SVEP1: variants seen among roughly 807,000 people sequenced by gnomAD.
The protein encoded by SVEP1 is sushi, von Willebrand factor type A, EGF and pentraxin domain-containing protein 1.
SVEP1 carries 164 observed loss-of-function variants against 367.3 expected under a neutral mutation model. The ratio of observed to expected loss-of-function variants is 0.45; its 90% confidence interval spans 0.39 to 0.51. The LOEUF is 0.51. SVEP1 is among the 20% of genes least tolerant of loss of function. The pLI, the probability that SVEP1 is intolerant of heterozygous loss-of-function variation, is 0.00. For missense variants in SVEP1, 4,117 were observed against 4,425.3 expected, an observed-to-expected ratio of 0.93 and a Z score of 1.98; for synonymous variants, 1,666 against 1,611.6, an observed-to-expected ratio of 1.03 and a Z score of -0.81.
At chr9:110,476,473 C>G (rs1829098067) in intron 13 of SVEP1, among the ~76,000 whole-genome samples, 158 bp from the exon 14 acceptor site, 1 of 152,216 alleles carries the variant, frequency 6.6e-6, no homozygotes, top group South Asian at 2.1e-4. Flanking sequence ...CCCTCCTCCC[C>G]TACAGCCTCT....
In SVEP1 at chr9:110,443,574, G is replaced by A; in HGVS notation, c.4610C>T (p.Ala1537Val). The stretch of plus-strand genomic sequence containing the variant: ...TATGGGCAAACCAACAGAGAGGCCA[G>A]CACCACCGTCAGATAATTTCCCATC... The part of the protein sequence containing the change: ...YIDGKLSDGG[A>V]GLSVGLPIPG... Residue 1537 changes from alanine to valine, a missense_variant, in exon 27 of 48, where the codon GCT (alanine) becomes GTT (valine). Around this residue, in one of 4 missense-constraint regions of SVEP1, gnomAD observed 2,174 missense variants for 2,494.3 expected, o/e 0.87. Coordinates refer to ENST00000374469, the MANE Select transcript of SVEP1 (RefSeq NM_153366.4). 6.2e-7 allele frequency: 1 copy of A among 1,610,758 alleles called. No individual in the cohort carries two copies. The highest frequency in any genetic ancestry group is 8.5e-7 in the Non-Finnish European group (1 of 1,178,432).
chr9:110,486,845 A>AT (rs1829286429), intron 9 of SVEP1, among the ~76,000 whole-genome samples: 1 of 151,860 alleles, frequency 6.6e-6, no homozygotes, highest in Non-Finnish European at 1.5e-5. Flanking sequence ...GGGTTTCAAC[A>AT]TGTTGGCCAG....
At chr9:110,430,223 C>T (rs1330044610) in intron 33 of SVEP1, 51 bp downstream of exon 33, 14 of 1,550,888 alleles carry the variant, frequency 9.0e-6, no homozygotes, top group Non-Finnish European at 9.6e-6. Flanking sequence ...CTACGCCTTA[C>T]CTTTCTAGGA....
At chr9:110,482,137 G>A (rs34545040) in intron 11 of SVEP1, among the ~76,000 whole-genome samples, 9,496 of 152,288 alleles carry the variant, frequency 0.062, 413 homozygotes, top group Non-Finnish European at 0.087. Flanking sequence ...TGTAACCTTA[G>A]AGAAAATGTT....
intron 47 of SVEP1, 103 bp from the exon 48 acceptor site, chr9:110,366,663 A>G: frequency 3.4e-6 from 4 of 1,176,050 alleles, no homozygotes; most frequent in Non-Finnish European, 4.7e-6. Context: ...TGAAAGTCCC[A>G]GATACCTGGG....
At chr9:110,490,265 T>C (rs915614035) in intron 8 of SVEP1, among the ~76,000 whole-genome samples, 1 of 152,214 alleles carries the variant, frequency 6.6e-6, no homozygotes, top group Non-Finnish European at 1.5e-5. Context: ...TCATATAGTT[T>C]ATAAAGATCA....
chr9:110,572,368 T>C lies in SVEP1; in HGVS notation c.531+6645A>G, dbSNP rs549243134. On this transcript the variant is annotated intron_variant, in intron 1 of 47. Transcript: ENST00000374469. ...AGTCTTTGACCAAGCATTTTCATGA[T>C]GTATTTCAACCAAACAGAATATAAC... Among the ~76,000 whole-genome samples the C allele has an allele frequency of 2.0e-5, 3 of 152,340 alleles. 1 individual carries two copies. In the South Asian group the frequency reaches 6.2e-4, roughly 32 times the overall value.
intron 44 of SVEP1, among the ~76,000 whole-genome samples, chr9:110,377,863 C>T (rs1469600382): frequency 1.3e-5 from 2 of 152,180 alleles, no homozygotes; most frequent in African/African-American, 2.4e-5. Flanking sequence ...TGAGCAACAT[C>T]TCCCTATCCT....
intron 1 of SVEP1, among the ~76,000 whole-genome samples, chr9:110,578,567 T>C (rs1331507531): frequency 2.0e-5 from 3 of 152,148 alleles, no homozygotes; most frequent in Admixed American, 6.5e-5. Flanking sequence ...TAATAAAGGA[T>C]TGGAGCAAAA....
intron 1 of SVEP1, among the ~76,000 whole-genome samples, chr9:110,564,323 T>A (rs190256649): frequency 6.6e-6 from 1 of 152,304 alleles, no homozygotes; most frequent in African/African-American, 2.4e-5. Context: ...AGAAATAATG[T>A]CTTCTTACCA....
intron 1 of SVEP1, among the ~76,000 whole-genome samples, chr9:110,561,279 T>A (rs2118870120): frequency 6.6e-6 from 1 of 152,270 alleles, no homozygotes; most frequent in East Asian, 1.9e-4. Flanking sequence ...GTTTCCTCTT[T>A]TTAAACTTTC....
chr9:110,409,382 A>T (rs1239642559), intron 37 of SVEP1, among the ~76,000 whole-genome samples: 1 of 152,202 alleles, frequency 6.6e-6, no homozygotes, highest in Admixed American at 6.5e-5. Flanking sequence ...AGATTGTGCC[A>T]CTGCACTCCA....
chr9:110,571,039 C>G (rs1002465963), intron 1 of SVEP1, among the ~76,000 whole-genome samples: 1 of 146,654 alleles, frequency 6.8e-6, no homozygotes, highest in Non-Finnish European at 1.5e-5. Context: ...TTCAATGACG[C>G]GATCTCAACT....
chr9:110,438,592 T>C (rs1170201025), intron 27 of SVEP1, among the ~76,000 whole-genome samples: 2 of 152,244 alleles, frequency 1.3e-5, no homozygotes, highest in African/African-American at 4.8e-5. Flanking sequence ...ATGTTGGCCT[T>C]GTTTCTAAGT....
At chr9:110,550,152 A>C in intron 1 of SVEP1, 48 bp from the exon 2 acceptor site, 2 of 1,602,620 alleles carry the variant, frequency 1.2e-6, no homozygotes, top group Non-Finnish European at 1.7e-6. Flanking sequence ...TGTCTTGCCT[A>C]CTGTGTGCTT....
chr9:110,413,636 GCA>G (rs1828077432), intron 36 of SVEP1, among the ~76,000 whole-genome samples: 1 of 151,924 alleles, frequency 6.6e-6, no homozygotes, highest in South Asian at 2.1e-4. Context: ...CAGTCGTTAT[GCA>G]CAGATGTTGG....
At chr9:110,553,424 T>C (rs1830316762) in intron 1 of SVEP1, among the ~76,000 whole-genome samples, 1 of 152,154 alleles carries the variant, frequency 6.6e-6, no homozygotes, top group African/African-American at 2.4e-5. Context: ...CAGCAGATAG[T>C]GAATTTGTTT....
Position 110,408,375 on chromosome 9 carries a change from C to T in SVEP1, c.7225G>A (p.Val2409Ile). The T allele has an allele frequency of 6.2e-7, 1 of 1,613,948 alleles. No individual in the cohort carries two copies. The highest frequency in any genetic ancestry group is 8.5e-7 in the Non-Finnish European group (1 of 1,179,886). Residue 2409 changes from valine to isoleucine, a missense_variant, in exon 38 of 48, where the codon GTA (valine) becomes ATA (isoleucine). Coordinates refer to ENST00000374469, the MANE Select transcript of SVEP1 (RefSeq NM_153366.4). Reference sequence around the variant, plus strand: ...TTTCCTCTTAGGAAAAACCCACCTACACAAGAATACTTGACAGTACTTCCA... The same window carrying T: ...TTTCCTCTTAGGAAAAACCCACCTATACAAGAATACTTGACAGTACTTCCA... ...HFGSTVKYSC[V>I]GGFFLRGNST...
chr9:110,547,720 A>G (rs532841848), intron 2 of SVEP1, among the ~76,000 whole-genome samples: 1 of 152,188 alleles, frequency 6.6e-6, no homozygotes, highest in African/African-American at 2.4e-5. Flanking sequence ...GAATGGCCAG[A>G]AACATGAACA....
Sources: allele counts gnomAD v4.1 joint callset (sites outside exome capture counted in the v4.1 genomes callset), GRCh38; gene constraint gnomAD v4.1.1; regional missense constraint gnomAD v4.1.1; transcripts MANE v1.5; gene names NCBI Gene and HGNC (gene_info 2026-07-23, HGNC 2026-07-21).